The following PPP2R2B variants were observed in gnomAD, a reference collection of about 807,000 sequenced individuals.
The protein encoded by PPP2R2B is serine/threonine-protein phosphatase 2A 55 kDa regulatory subunit B beta isoform.
A neutral mutation model predicts 46.0 loss-of-function variants in PPP2R2B; 5 were observed. The ratio of observed to expected loss-of-function variants is 0.11; its 90% CI spans 0.06 to 0.23. The LOEUF is 0.23. Among genes scored for constraint, PPP2R2B ranks in the 10% least tolerant of loss-of-function variants. PPP2R2B has a pLI of 1.00. For missense variants in PPP2R2B, 367 were observed against 575.0 expected, an observed-to-expected ratio of 0.64 and a Z score of 3.70; for synonymous variants, 215 against 206.7, an observed-to-expected ratio of 1.04 and a Z score of -0.34.
intron 7 of PPP2R2B, among the ~76,000 whole-genome samples, chr5:146,631,094 G>T (rs1287694565): frequency 6.6e-6 from 1 of 152,174 alleles, no homozygotes; most frequent in Non-Finnish European, 1.5e-5. Flanking sequence ...ATTGTCCTGG[G>T]CTGTGCTTAC....
intron 2 of PPP2R2B, 107 bp from the exon 3 acceptor site, chr5:146,701,249 T>G (rs1483968334): frequency 9.9e-7 from 1 of 1,007,186 alleles, no homozygotes; most frequent in East Asian, 2.4e-5. Context: ...GCTTTGTCTC[T>G]GCAGTGGAAT....
intron 2 of PPP2R2B, among the ~76,000 whole-genome samples, chr5:146,815,341 C>G (rs545807570): frequency 6.6e-6 from 1 of 152,356 alleles, no homozygotes; most frequent in South Asian, 2.1e-4. Flanking sequence ...TCATTCAACA[C>G]TCCTGCACAC....
chr5:146,683,410 A>G (rs1452053715), intron 5 of PPP2R2B, among the ~76,000 whole-genome samples: 1 of 152,128 alleles, frequency 6.6e-6, no homozygotes, highest in African/African-American at 2.4e-5. Context: ...AAGCATTACC[A>G]CTTACTAGCC....
chr5:147,056,151 A>G (rs1757076067), upstream of PPP2R2B: 4 of 1,009,464 alleles, frequency 4.0e-6, no homozygotes, highest in South Asian at 1.6e-4. Flanking sequence ...AGTAGTGAGG[A>G]TAAGTGACCA....
chr5:146,780,107 T>C (rs1251158952), intron 2 of PPP2R2B, among the ~76,000 whole-genome samples: 5 of 152,206 alleles, frequency 3.3e-5, no homozygotes, highest in Admixed American at 6.5e-5. Flanking sequence ...TCTCTTTGTA[T>C]GTGACTACAA....
chr5:147,064,697 T>C (rs1756847231), intron 2 of PPP2R2B, among the ~76,000 whole-genome samples: 2 of 152,212 alleles, frequency 1.3e-5, no homozygotes, highest in Admixed American at 6.5e-5. Context: ...GAAACAATAT[T>C]TGTAAATGTG....
chr5:147,061,121 C>T (rs1757245187), intron 2 of PPP2R2B, among the ~76,000 whole-genome samples: 1 of 152,048 alleles, frequency 6.6e-6, no homozygotes, highest in Middle Eastern at 3.2e-3. Context: ...CTATTAAATG[C>T]CAGGCACTCT....
chr5:146,899,952 T>C (rs937673925), intron 1 of PPP2R2B, among the ~76,000 whole-genome samples: 2 of 152,190 alleles, frequency 1.3e-5, no homozygotes, highest in Non-Finnish European at 2.9e-5. Context: ...TCTATGTTAG[T>C]AACTATCAGA....
upstream of PPP2R2B, among the ~76,000 whole-genome samples, chr5:147,059,913 T>C (rs1472512469): frequency 1.3e-5 from 2 of 152,198 alleles, no homozygotes; most frequent in East Asian, 1.9e-4. Context: ...CCTACCTCAC[T>C]GAAGCCCACG....
intron 2 of PPP2R2B, among the ~76,000 whole-genome samples, chr5:146,849,944 A>T (rs1347461389): frequency 1.3e-5 from 2 of 152,162 alleles, no homozygotes; most frequent in East Asian, 3.8e-4. Flanking sequence ...CAGCAGAAAA[A>T]CCAATCTCAC....
intron 2 of PPP2R2B, among the ~76,000 whole-genome samples, chr5:146,766,556 T>A (rs1398438134): frequency 6.6e-6 from 1 of 152,198 alleles, no homozygotes; most frequent in Non-Finnish European, 1.5e-5. Context: ...TTATAGCTAG[T>A]GTTGTGCTCA....
At chr5:146,779,366 A>T (rs78155988) in intron 2 of PPP2R2B, among the ~76,000 whole-genome samples, 3,821 of 152,280 alleles carry the variant, frequency 0.025, 78 homozygotes, top group Middle Eastern at 0.041. Context: ...ATTTCCTATC[A>T]TAAGATCTGA....
chr5:146,942,587 T>C (rs536230961), intron 1 of PPP2R2B, among the ~76,000 whole-genome samples: 1 of 152,288 alleles, frequency 6.6e-6, no homozygotes, highest in East Asian at 1.9e-4. Context: ...TTTATACATA[T>C]TATCAAGTTA....
intron 1 of PPP2R2B, among the ~76,000 whole-genome samples, chr5:146,919,051 A>G (rs1361886086): frequency 2.6e-5 from 4 of 152,208 alleles, no homozygotes; most frequent in African/African-American, 4.8e-5. Context: ...CAAAACCTAT[A>G]TATGAAAGTT....
intron 2 of PPP2R2B, among the ~76,000 whole-genome samples, chr5:146,723,377 T>G (rs902728385): frequency 2.0e-5 from 3 of 152,158 alleles, no homozygotes; most frequent in Non-Finnish European, 4.4e-5. Flanking sequence ...CACTTCCCTT[T>G]GAACACTCAC....
At chr5:147,005,374 C>T (rs1030381296) in intron 1 of PPP2R2B, among the ~76,000 whole-genome samples, 1 of 152,162 alleles carries the variant, frequency 6.6e-6, no homozygotes, top group African/African-American at 2.4e-5. Flanking sequence ...TGGCACTTAC[C>T]CGAGCTTTAG....
intron 5 of PPP2R2B, among the ~76,000 whole-genome samples, chr5:146,677,507 T>TA: frequency 6.6e-6 from 1 of 150,412 alleles, no homozygotes; most frequent in African/African-American, 2.5e-5. Context: ...TTATACTTTT[T>TA]AAAAAACTCA....
At chr5:146,944,694 A>G (rs1220012193) in intron 1 of PPP2R2B, among the ~76,000 whole-genome samples, 1 of 152,148 alleles carries the variant, frequency 6.6e-6, no homozygotes, top group African/African-American at 2.4e-5. Context: ...GCACCTGAAA[A>G]GGCTGATTTT....
At chr5:146,908,545 TA>T (rs1763076540) in intron 1 of PPP2R2B, among the ~76,000 whole-genome samples, 2 of 149,590 alleles carry the variant, frequency 1.3e-5, no homozygotes, top group South Asian at 2.1e-4. Context: ...TTTTTTGGCA[TA>T]GGGGTGTGTT....
Sources: allele counts gnomAD v4.1 joint callset (sites outside exome capture counted in the v4.1 genomes callset), GRCh38; gene constraint gnomAD v4.1.1; transcripts MANE v1.5; gene names NCBI Gene and HGNC (gene_info 2026-07-23, HGNC 2026-07-21).